The following SIDT1 variants were observed in gnomAD, a reference collection of about 807,000 sequenced individuals.
SIDT1 encodes SID1 transmembrane family member 1, also known as SID1 transmembrane family, member 1.
A neutral mutation model predicts 107.5 loss-of-function variants in SIDT1; 101 were observed. That is an observed-to-expected ratio of 0.94 (90% CI 0.80 to 1.11). The LOEUF (loss-of-function observed/expected upper bound fraction) is 1.11, where lower values mean the gene tolerates loss of function less well. Among genes scored for constraint, SIDT1 ranks in the 50% least tolerant of loss-of-function variants. SIDT1 has a pLI of 0.00. For missense variants in SIDT1, 1,076 were observed against 1,058.2 expected (o/e 1.02, Z -0.23); for synonymous variants, 395 against 398.2 (o/e 0.99, Z 0.10).
intron 1 of SIDT1, among the ~76,000 whole-genome samples, chr3:113,550,745 A>G (rs564798685): frequency 1.3e-4 from 20 of 152,128 alleles, no homozygotes; most frequent in Non-Finnish European, 2.9e-4. Flanking sequence ...TTGAAATTTT[A>G]TTTTATTTCT....
At chr3:113,569,138 CAAA>C (rs780715523) in intron 3 of SIDT1, among the ~76,000 whole-genome samples, 1 of 55,476 alleles carries the variant, frequency 1.8e-5, no homozygotes, top group Non-Finnish European at 3.5e-5. Flanking sequence ...GACTCCCTCT[CAAA>C]AAAAAAAAAA....
intron 1 of SIDT1, among the ~76,000 whole-genome samples, chr3:113,536,393 G>A (rs1289938836): frequency 6.6e-6 from 1 of 152,130 alleles, no homozygotes; most frequent in Admixed American, 6.5e-5. Flanking sequence ...TAGCCTGCAG[G>A]GTCATTGCCC....
intron 3 of SIDT1, among the ~76,000 whole-genome samples, chr3:113,568,453 G>C (rs972245091): frequency 6.6e-6 from 1 of 151,812 alleles, no homozygotes; most frequent in African/African-American, 2.4e-5. Context: ...AATTAGCCAG[G>C]CACGGTGGCG....
intron 21 of SIDT1, 35 bp from the exon 22 acceptor site, chr3:113,623,392 C>T: frequency 7.0e-7 from 1 of 1,424,150 alleles, no homozygotes; most frequent in East Asian, 2.3e-5. Flanking sequence ...ACAAATCCAC[C>T]TTCACGGCTG....
chr3:113,602,302 C>G (rs1470160476), intron 11 of SIDT1: 4 of 152,246 alleles, frequency 2.6e-5, no homozygotes, highest in African/African-American at 9.7e-5. Flanking sequence ...GACTGGGAAT[C>G]CTGTATTCCT....
chr3:113,546,722 T>C (rs1001214403), intron 1 of SIDT1, among the ~76,000 whole-genome samples: 6 of 152,248 alleles, frequency 3.9e-5, no homozygotes, highest in Non-Finnish European at 7.3e-5. Flanking sequence ...CTCTGTGGAC[T>C]TGGTCTTGAA....
At chr3:113,630,182 T>C (rs1947078659), downstream of SIDT1, among the ~76,000 whole-genome samples, 1 of 152,198 alleles carries the variant, frequency 6.6e-6, no homozygotes, top group African/African-American at 2.4e-5. Flanking sequence ...GCAGTCACTG[T>C]GAAGAGGCTC....
chr3:113,580,529 T>C, intron 4 of SIDT1, 79 bp from the exon 5 acceptor site: 1 of 840,174 alleles, frequency 1.2e-6, no homozygotes, highest in Admixed American at 1.8e-5. Context: ...GATTTACGTA[T>C]AAATTTTGTG....
At chr3:113,566,665 T>C (rs1339214186) in intron 2 of SIDT1, 124 bp downstream of exon 2, 1 of 1,083,862 alleles carries the variant, frequency 9.2e-7, no homozygotes, top group African/African-American at 1.6e-5. Context: ...ACATTCTGCA[T>C]ACGGGGTGCA....
chr3:113,567,431 GA>G, intron 2 of SIDT1, 108 bp from the exon 3 acceptor site: 1 of 875,932 alleles, frequency 1.1e-6, no homozygotes, highest in Non-Finnish European at 1.8e-6. Flanking sequence ...ATAAGGACCT[GA>G]AAATGAATTT....
chr3:113,583,431 A>T lies in SIDT1; in HGVS notation c.770A>T (p.Gln257Leu). The change falls in exon 7 of 25, where the codon CAG (glutamine) becomes CTG (leucine). Residue 257 changes from glutamine (Q) to leucine (L), a missense_variant. Coordinates refer to ENST00000264852, the MANE Select transcript of SIDT1 (RefSeq NM_017699.3). ...CAGAAGAAGGATTTTCCAGGCGAGC[A>T]GTTCTTCGTGGTATTTGTGATAAAG... ...TLQKKDFPGE[Q>L]FFVVFVIKPE... The T allele has an allele frequency of 6.3e-7, 1 of 1,598,998 alleles. No homozygotes were observed. Among genetic ancestry groups the T allele is most frequent in the Non-Finnish European group, 8.6e-7 (1 of 1,169,478 alleles).
At chr3:113,573,406 G>T (rs1942635020) in intron 3 of SIDT1, among the ~76,000 whole-genome samples, 1 of 152,134 alleles carries the variant, frequency 6.6e-6, no homozygotes, top group Non-Finnish European at 1.5e-5. Context: ...AAAACGAGTT[G>T]ATCAAGAACA....
At chr3:113,556,263 A>C (rs371573790) in intron 1 of SIDT1, among the ~76,000 whole-genome samples, 96 of 152,360 alleles carry the variant, frequency 6.3e-4, no homozygotes, top group African/African-American at 2.2e-3. Context: ...CAGTCACATC[A>C]ATAACTATAG....
rs76780234 is a variant in SIDT1, at chr3:113,619,782, G to A, written c.2090+56G>A. 4.4e-3 allele frequency: 6,518 copies of A among 1,483,760 alleles called. 171 individuals are homozygous for A. The Admixed American group carries it at 0.054, about 12-fold the overall frequency. 91.9% of individuals were successfully genotyped at this position (1,483,760 alleles called of 1,614,324 possible). On this transcript the variant is annotated intron_variant, in intron 21 of 24. Coordinates refer to ENST00000264852, the MANE Select transcript of SIDT1 (RefSeq NM_017699.3). ...CTTTATTAATGTCAGTAACACTGTG[G>A]TTTAGCTTTCCTTGACTGTCATTTT...
intron 3 of SIDT1, among the ~76,000 whole-genome samples, chr3:113,570,596 T>C (rs1003392844): frequency 6.6e-6 from 1 of 152,252 alleles, no homozygotes; most frequent in Non-Finnish European, 1.5e-5. Flanking sequence ...TACCTCATAA[T>C]ATGACTTAGC....
downstream of SIDT1, among the ~76,000 whole-genome samples, chr3:113,629,947 G>T (rs758013639): frequency 2.0e-5 from 3 of 152,166 alleles, no homozygotes; most frequent in Non-Finnish European, 4.4e-5. Context: ...TTTCCACAGC[G>T]CCAGTCTCAC....
At chr3:113,619,901 C>T in intron 21 of SIDT1, 175 bp downstream of exon 21, 1 of 610,614 alleles carries the variant, frequency 1.6e-6, no homozygotes, top group South Asian at 1.9e-5. Flanking sequence ...CAATTGTAGC[C>T]TCTCTTAAAA....
intron 1 of SIDT1, among the ~76,000 whole-genome samples, chr3:113,563,641 G>T (rs1941638008): frequency 6.6e-6 from 1 of 152,114 alleles, no homozygotes; most frequent in Non-Finnish European, 1.5e-5. Flanking sequence ...TAACAAACAA[G>T]TGTTCCCAAA....
chr3:113,625,401 G>A, intron 23 of SIDT1, among the ~76,000 whole-genome samples: 1 of 152,048 alleles, frequency 6.6e-6, no homozygotes, highest in East Asian at 1.9e-4. Context: ...TGCCTCCCAT[G>A]GTCCTGGGAT....
Sources: gnomAD v4.1 joint callset for allele counts (sites outside exome capture counted in the v4.1 genomes callset) on GRCh38, gnomAD v4.1.1 for gene constraint, MANE v1.5 for transcripts, NCBI Gene and HGNC (gene_info 2026-07-23, HGNC 2026-07-21) for gene names.